Variants in KCNH8 observed in about 807,000 individuals in gnomAD.
KCNH8 encodes the protein potassium voltage-gated channel subfamily H member 8, also known as voltage-gated delayed rectifier potassium channel KCNH8.
Under a neutral mutation model 103.6 loss-of-function variants are expected in KCNH8, and 70 were observed. The observed-to-expected ratio is 0.68, with a 90% CI of 0.56 to 0.82. The LOEUF is 0.82. Among genes scored for constraint, KCNH8 ranks in the 40% least tolerant of loss-of-function variants. KCNH8 has a pLI of 0.00. For missense variants in KCNH8, 1,217 were observed against 1,329.9 expected, an observed-to-expected ratio of 0.92 and a Z score of 1.32; for synonymous variants, 498 against 489.4, an observed-to-expected ratio of 1.02 and a Z score of -0.23.
At chr3:19,320,402 A>T (rs910755982) in intron 3 of KCNH8, among the ~76,000 whole-genome samples, 3 of 152,004 alleles carry the variant, frequency 2.0e-5, no homozygotes, top group Non-Finnish European at 4.4e-5. Context: ...CTTTTTCTGC[A>T]TCTACTGAGA....
chr3:19,494,633 T>A (rs1430034255), intron 11 of KCNH8, among the ~76,000 whole-genome samples: 1 of 152,226 alleles, frequency 6.6e-6, no homozygotes, highest in Non-Finnish European at 1.5e-5. Context: ...TCCATGTCTT[T>A]GCTATTGTGA....
intron 5 of KCNH8, among the ~76,000 whole-genome samples, chr3:19,378,315 T>C (rs774664862): frequency 2.6e-5 from 4 of 152,212 alleles, no homozygotes; most frequent in Non-Finnish European, 5.9e-5. Flanking sequence ...ATCCTATTGC[T>C]CTGGAGAAAG....
intron 11 of KCNH8, among the ~76,000 whole-genome samples, chr3:19,493,153 C>A (rs1400321999): frequency 1.3e-5 from 2 of 152,012 alleles, no homozygotes; most frequent in South Asian, 2.1e-4. Flanking sequence ...TCTAGATATA[C>A]AATAATATCA....
At chr3:19,195,859 G>A (rs1337784745) in intron 1 of KCNH8, among the ~76,000 whole-genome samples, 1 of 151,958 alleles carries the variant, frequency 6.6e-6, no homozygotes. Flanking sequence ...CATCAGTCTT[G>A]TAATTGGATT....
chr3:19,168,160 C>T (rs965207688), intron 1 of KCNH8, among the ~76,000 whole-genome samples: 1 of 151,902 alleles, frequency 6.6e-6, no homozygotes, highest in African/African-American at 2.4e-5. Context: ...CAGGTGCCTG[C>T]CGCCATGCCC....
At chr3:19,223,440 G>A (rs567432851) in intron 1 of KCNH8, among the ~76,000 whole-genome samples, 1 of 152,170 alleles carries the variant, frequency 6.6e-6, no homozygotes, top group Admixed American at 6.5e-5. Flanking sequence ...TTGTTTTGGG[G>A]ACATATTACA....
chr3:19,201,038 C>G (rs2063653630), intron 1 of KCNH8, among the ~76,000 whole-genome samples: 1 of 151,214 alleles, frequency 6.6e-6, no homozygotes. Flanking sequence ...TAGTGACCAG[C>G]CTGGCCAACA....
At chr3:19,471,257 C>A (rs1354701430) in intron 11 of KCNH8, among the ~76,000 whole-genome samples, 1 of 152,164 alleles carries the variant, frequency 6.6e-6, no homozygotes, top group Non-Finnish European at 1.5e-5. Context: ...CACACACATA[C>A]CCACAAACAG....
intron 11 of KCNH8, among the ~76,000 whole-genome samples, chr3:19,469,668 A>C (rs529537716): frequency 6.6e-6 from 1 of 152,266 alleles, no homozygotes; most frequent in Admixed American, 6.5e-5. Context: ...TGTGGCAAAC[A>C]TAGTATCTTG....
Position 19,438,193 on chromosome 3 carries a change from G to C in KCNH8, c.1207G>C (p.Glu403Gln), listed in dbSNP as rs1187697025. 6.2e-7 allele frequency: 1 copy of C among 1,613,998 alleles called. No individual in the cohort carries two copies. The highest frequency in any genetic ancestry group is 8.5e-7 in the Non-Finnish European group (1 of 1,179,994). Residue 403 changes from glutamate to glutamine, a missense_variant, in exon 8 of 16, where the codon GAA becomes CAA. Transcript: ENST00000328405. ...GWLHELGKRL[E>Q]SPYYGNNTLG... ...GCTTCATGAGTTGGGAAAGAGACTGGAATCTCCATACTATGGCAACAATAC... is the reference window on the plus strand; with the variant it reads ...GCTTCATGAGTTGGGAAAGAGACTGCAATCTCCATACTATGGCAACAATAC...
intron 1 of KCNH8, among the ~76,000 whole-genome samples, chr3:19,236,021 G>A (rs2064060314): frequency 1.3e-5 from 2 of 152,158 alleles, no homozygotes; most frequent in Non-Finnish European, 1.5e-5. Context: ...ATAATTCTGT[G>A]TAACTGTGTG....
chr3:19,256,103 C>G (rs2064342991), intron 2 of KCNH8, among the ~76,000 whole-genome samples: 1 of 152,112 alleles, frequency 6.6e-6, no homozygotes, highest in South Asian at 2.1e-4. Flanking sequence ...AGAAGGCTGT[C>G]CTGTGCAGTG....
intron 11 of KCNH8, among the ~76,000 whole-genome samples, chr3:19,458,803 GAGTTCAAGGTATTTT>G (rs1271524362): frequency 6.6e-6 from 1 of 151,828 alleles, no homozygotes. Flanking sequence ...CTGCTTCTTT[GAGTTCAAGGTATTTT>G]AGATTCAGTA....
intron 1 of KCNH8, among the ~76,000 whole-genome samples, chr3:19,252,269 G>A (rs2064288624): frequency 6.6e-6 from 1 of 151,982 alleles, no homozygotes; most frequent in African/African-American, 2.4e-5. Flanking sequence ...TCTCCCCCAG[G>A]AGTTATTTCT....
At chr3:19,270,915 A>G (rs1021541441) in intron 2 of KCNH8, among the ~76,000 whole-genome samples, 1 of 152,014 alleles carries the variant, frequency 6.6e-6, no homozygotes, top group Non-Finnish European at 1.5e-5. Flanking sequence ...CATAGGATGT[A>G]TTTTTCATTC....
chr3:19,353,085 A>G (rs1414269596), intron 5 of KCNH8, among the ~76,000 whole-genome samples: 5 of 152,212 alleles, frequency 3.3e-5, no homozygotes, highest in Non-Finnish European at 7.4e-5. Context: ...ACAAACTACC[A>G]TCAGAGAATA....
intron 1 of KCNH8, among the ~76,000 whole-genome samples, chr3:19,163,995 G>A (rs2063258722): frequency 6.6e-6 from 1 of 152,140 alleles, no homozygotes; most frequent in Non-Finnish European, 1.5e-5. Flanking sequence ...GCAGGCTATT[G>A]GTAGTTAAAT....
At chr3:19,460,046 A>C (rs2067597559) in intron 11 of KCNH8, among the ~76,000 whole-genome samples, 1 of 151,964 alleles carries the variant, frequency 6.6e-6, no homozygotes, top group Non-Finnish European at 1.5e-5. Context: ...AATTTTGTTT[A>C]AATATAGATG....
intron 2 of KCNH8, among the ~76,000 whole-genome samples, chr3:19,262,794 GC>G (rs2125260011): frequency 6.6e-6 from 1 of 152,146 alleles, no homozygotes; most frequent in South Asian, 2.1e-4. Context: ...TTTATCAAGA[GC>G]TAGTGAAACC....
Sources: gnomAD v4.1 joint callset for allele counts (sites outside exome capture counted in the v4.1 genomes callset) on GRCh38, gnomAD v4.1.1 for gene constraint, MANE v1.5 for transcripts, NCBI Gene and HGNC (gene_info 2026-07-23, HGNC 2026-07-21) for gene names.